The following RGS7BP variants were observed in gnomAD, a reference collection of about 807,000 sequenced individuals.
RGS7BP encodes the protein regulator of G protein signaling 7 binding protein.
Under a neutral mutation model 31.3 loss-of-function variants are expected in RGS7BP, and 9 were observed. The observed-to-expected ratio is 0.29, with a 90% confidence interval of 0.17 to 0.50. The LOEUF is 0.50. RGS7BP is among the 20% of genes least tolerant of loss of function. The pLI is 0.98. For missense variants in RGS7BP, 274 were observed against 322.0 expected (o/e 0.85, Z 1.14); for synonymous variants, 115 against 120.1 (o/e 0.96, Z 0.28).
intron 2 of RGS7BP, among the ~76,000 whole-genome samples, chr5:64,574,313 T>A (rs1742368252): frequency 6.6e-6 from 1 of 151,766 alleles, no homozygotes; most frequent in Non-Finnish European, 1.5e-5. Context: ...TGTCTGGGTG[T>A]GTGTATGTCT....
intron 2 of RGS7BP, among the ~76,000 whole-genome samples, chr5:64,551,315 T>C (rs1741789832): frequency 6.6e-6 from 1 of 150,822 alleles, no homozygotes; most frequent in African/African-American, 2.5e-5. Flanking sequence ...CAGCCTGGAG[T>C]GCAGTGGCGC....
chr5:64,590,898 T>C (rs946298729), intron 3 of RGS7BP, among the ~76,000 whole-genome samples: 74 of 152,210 alleles, frequency 4.9e-4, no homozygotes, highest in Non-Finnish European at 8.8e-5. Context: ...GTTGGGGCAA[T>C]TGGCTCTTCA....
At chr5:64,524,716 CAT>C (rs1445253310) in intron 2 of RGS7BP, among the ~76,000 whole-genome samples, 1 of 152,112 alleles carries the variant, frequency 6.6e-6, no homozygotes, top group Non-Finnish European at 1.5e-5. Context: ...AGATAGTGCA[CAT>C]GAGCCCACCA....
chr5:64,531,557 A>T (rs980033422), intron 2 of RGS7BP, among the ~76,000 whole-genome samples: 1 of 152,212 alleles, frequency 6.6e-6, no homozygotes, highest in African/African-American at 2.4e-5. Flanking sequence ...GGTCACAGCC[A>T]TTCTAGGGCA....
At chr5:64,514,337 G>C (rs1233540067) in intron 2 of RGS7BP, among the ~76,000 whole-genome samples, 1 of 152,126 alleles carries the variant, frequency 6.6e-6, no homozygotes, top group Admixed American at 6.5e-5. Flanking sequence ...TTGGTTGGGG[G>C]AAAGGGCACA....
chr5:64,567,052 A>G lies in RGS7BP; in HGVS notation c.333-8722A>G, dbSNP rs1180600794. 2.0e-5 allele frequency among the ~76,000 whole-genome samples: 3 copies of G among 151,908 alleles called. No homozygotes were observed. In the East Asian group the frequency reaches 5.9e-4, roughly 30 times the overall value. Reference sequence around the variant, plus strand: ...TCAAACGGACCTTTTGCTCATTTTCATAGTAAAAATAAACCTCCCCTGGGT... The same window carrying G: ...TCAAACGGACCTTTTGCTCATTTTCGTAGTAAAAATAAACCTCCCCTGGGT... On this transcript the variant is annotated intron_variant, in intron 2 of 5. Transcript: ENST00000334025.
intron 2 of RGS7BP, among the ~76,000 whole-genome samples, chr5:64,571,548 C>T (rs1290936457): frequency 6.6e-6 from 1 of 152,106 alleles, no homozygotes; most frequent in African/African-American, 2.4e-5. Context: ...AATGTATGAG[C>T]ATTTCTGTTG....
intron 2 of RGS7BP, among the ~76,000 whole-genome samples, chr5:64,555,228 T>C (rs1741892147): frequency 6.6e-6 from 1 of 152,040 alleles, no homozygotes. Flanking sequence ...ACAACAAAAA[T>C]AGAAGCCAGA....
chr5:64,508,385 G>A (rs927546837), intron 2 of RGS7BP, among the ~76,000 whole-genome samples: 2 of 152,298 alleles, frequency 1.3e-5, no homozygotes, highest in South Asian at 4.1e-4. Context: ...TCACTGTGGT[G>A]ATAGGAAGGG....
intron 2 of RGS7BP, among the ~76,000 whole-genome samples, chr5:64,528,682 G>A (rs1431640852): frequency 2.0e-5 from 3 of 151,850 alleles, no homozygotes; most frequent in Admixed American, 6.6e-5. Flanking sequence ...GTGGTGATGC[G>A]AGCCTGTAAT....
At chr5:64,593,263 T>C (rs1486182465) in intron 3 of RGS7BP, among the ~76,000 whole-genome samples, 3 of 152,234 alleles carry the variant, frequency 2.0e-5, no homozygotes, top group Non-Finnish European at 2.9e-5. Context: ...CTCCTTCTGT[T>C]GTTACCACAT....
chr5:64,575,958 TC>T, intron 3 of RGS7BP, 54 bp downstream of exon 3: 1 of 1,559,052 alleles, frequency 6.4e-7, no homozygotes, highest in Non-Finnish European at 8.7e-7. Context: ...CAAAAGCTAA[TC>T]TTTGGCAAAG....
At chr5:64,605,938 G>A (rs1361113965) in intron 5 of RGS7BP, among the ~76,000 whole-genome samples, 1 of 129,966 alleles carries the variant, frequency 7.7e-6, no homozygotes, top group South Asian at 2.3e-4. Context: ...CTATATATAT[G>A]TATATCTGGA....
intron 2 of RGS7BP, among the ~76,000 whole-genome samples, chr5:64,569,986 T>C (rs1742268455): frequency 6.6e-6 from 1 of 151,522 alleles, no homozygotes; most frequent in African/African-American, 2.5e-5. Flanking sequence ...ACAGGAGTTC[T>C]GTTTCCATTT....
intron 2 of RGS7BP, among the ~76,000 whole-genome samples, chr5:64,523,337 T>A (rs78301839): frequency 1.4e-5 from 1 of 70,860 alleles, no homozygotes; most frequent in Non-Finnish European, 3.6e-5. Flanking sequence ...AAATGTGCCA[T>A]TTTTTTTTGG....
chr5:64,591,177 A>ACC (rs1301150387), intron 3 of RGS7BP, among the ~76,000 whole-genome samples: 1 of 152,116 alleles, frequency 6.6e-6, no homozygotes, highest in African/African-American at 2.4e-5. Context: ...TATGGAGAGA[A>ACC]CCCCTACAAA....
intron 2 of RGS7BP, among the ~76,000 whole-genome samples, chr5:64,559,005 A>C (rs954492978): frequency 3.9e-5 from 6 of 152,188 alleles, no homozygotes; most frequent in Non-Finnish European, 8.8e-5. Flanking sequence ...ACAGCGGGAC[A>C]CGGAACTTCA....
At chr5:64,535,627 T>C (rs376984433) in intron 2 of RGS7BP, among the ~76,000 whole-genome samples, 2 of 152,354 alleles carry the variant, frequency 1.3e-5, no homozygotes, top group East Asian at 3.9e-4. Flanking sequence ...CAATTTTAAG[T>C]AGCACAAAGT....
intron 3 of RGS7BP, among the ~76,000 whole-genome samples, chr5:64,579,286 A>G (rs1742519884): frequency 6.6e-6 from 1 of 152,064 alleles, no homozygotes; most frequent in Non-Finnish European, 1.5e-5. Context: ...TGGCTCATGT[A>G]TGTAATCCCA....
Sources: allele counts gnomAD v4.1 joint callset (sites outside exome capture counted in the v4.1 genomes callset), GRCh38; gene constraint gnomAD v4.1.1; transcripts MANE v1.5; gene names NCBI Gene and HGNC (gene_info 2026-07-23, HGNC 2026-07-21).